YPEL2: variants seen among roughly 807,000 people sequenced by gnomAD.
YPEL2 encodes protein yippee-like 2.
YPEL2 carries 2 observed loss-of-function variants against 19.1 expected under a neutral mutation model. That is an observed-to-expected ratio of 0.10 (90% CI 0.04 to 0.33). The LOEUF (loss-of-function observed/expected upper bound fraction) is 0.33. Among genes scored for constraint, YPEL2 ranks in the 10% least tolerant of loss-of-function variants. The pLI is 1.00. For missense variants in YPEL2, 66 were observed against 140.7 expected (o/e 0.47, Z 2.68); for synonymous variants, 52 against 50.0 (o/e 1.04, Z -0.17).
At chr17:59,352,922 A>C (rs1454841271) in intron 1 of YPEL2, among the ~76,000 whole-genome samples, 3 of 152,152 alleles carry the variant, frequency 2.0e-5, no homozygotes, top group African/African-American at 7.2e-5. Context: ...CACATCTTCA[A>C]GCCTGATGTT....
At chr17:59,367,014 A>C (rs997671482) in intron 2 of YPEL2, among the ~76,000 whole-genome samples, 1 of 152,230 alleles carries the variant, frequency 6.6e-6, no homozygotes, top group African/African-American at 2.4e-5. Context: ...AAAGCCAATA[A>C]GATAAGGTCT....
intron 1 of YPEL2, among the ~76,000 whole-genome samples, chr17:59,351,622 G>A (rs2047788019): frequency 6.6e-6 from 1 of 152,194 alleles, no homozygotes; most frequent in South Asian, 2.1e-4. Context: ...CTGAGGCAAA[G>A]CCGAGAGAAT....
chr17:59,392,351 C>CAT (rs1238756214), intron 4 of YPEL2, among the ~76,000 whole-genome samples: 1 of 152,100 alleles, frequency 6.6e-6, no homozygotes, highest in East Asian at 1.9e-4. Flanking sequence ...TGTCTGTCCT[C>CAT]AAAGTGTTGA....
At chr17:59,346,911 G>T (rs752827595) in intron 1 of YPEL2, among the ~76,000 whole-genome samples, 1 of 152,170 alleles carries the variant, frequency 6.6e-6, no homozygotes, top group Non-Finnish European at 1.5e-5. Flanking sequence ...AAGTGCAAGC[G>T]TGGTGTACTG....
chr17:59,388,946 C>G (rs547348063), intron 3 of YPEL2: 28 of 215,748 alleles, frequency 1.3e-4, no homozygotes, highest in African/African-American at 6.3e-4. Flanking sequence ...ATCACTCATT[C>G]CTGTATCAGG....
intron 2 of YPEL2, among the ~76,000 whole-genome samples, chr17:59,384,484 G>A (rs2047970539): frequency 1.3e-5 from 2 of 152,084 alleles, no homozygotes; most frequent in African/African-American, 4.8e-5. Context: ...AGAAACAACA[G>A]TATTCACAAT....
At chr17:59,339,840 C>T (rs543468857) in intron 1 of YPEL2, among the ~76,000 whole-genome samples, 1 of 152,084 alleles carries the variant, frequency 6.6e-6, no homozygotes, top group African/African-American at 2.4e-5. Flanking sequence ...TGAGATATGA[C>T]CCCTCATAGA....
In YPEL2 at chr17:59,393,767, C is replaced by A. The variant is rs376102701; in HGVS notation, c.271-3334C>A. On this transcript the variant is annotated intron_variant, in intron 4 of 4. Coordinates refer to ENST00000312655, the MANE Select transcript of YPEL2 (RefSeq NM_001005404.4). ...CTGTTTAACAAAGCACATCTTGCACCGCCCTTAATCCATTTAACCCTGAGT... is the reference window on the plus strand; with the variant it reads ...CTGTTTAACAAAGCACATCTTGCACAGCCCTTAATCCATTTAACCCTGAGT... Among the ~76,000 whole-genome samples the A allele has an allele frequency of 1.0e-4, 15 of 149,594 alleles. No individual in the cohort carries two copies. In the East Asian group the frequency reaches 1.4e-3, roughly 14 times the overall value.
At chr17:59,395,351 A>C (rs917237441) in intron 4 of YPEL2, among the ~76,000 whole-genome samples, 1 of 152,202 alleles carries the variant, frequency 6.6e-6, no homozygotes, top group Non-Finnish European at 1.5e-5. Flanking sequence ...ACGGTGACCC[A>C]GAACCCCGCA....
intron 1 of YPEL2, among the ~76,000 whole-genome samples, chr17:59,344,622 G>T (rs1422113975): frequency 1.3e-5 from 2 of 152,126 alleles, no homozygotes; most frequent in Non-Finnish European, 2.9e-5. Context: ...GCCAGCAATG[G>T]TGGTACACGC....
rs918969552 is a variant in YPEL2 at position 59,399,152 on chromosome 17, A to G, written c.*1962A>G. 6.6e-6 allele frequency: 1 copy of G among 152,604 alleles called. No homozygotes were observed. Among genetic ancestry groups the G allele is most frequent in the East Asian group, 1.9e-4 (1 of 5,192 alleles). 9.5% of individuals were successfully genotyped at this position (152,604 alleles called of 1,614,324 possible). A position where few individuals can be genotyped will look rare whatever the true frequency, so the allele number is the denominator to read the frequency against. On this transcript the variant is annotated 3_prime_UTR_variant, in exon 5 of 5. Transcript: ENST00000312655. The stretch of plus-strand genomic sequence containing the variant: ...CCCAGAAGAATAGTTTCTCTGGCTC[A>G]CAGGCCCAAGTTCTCAATGAAATCG...
At chr17:59,347,460 C>T (rs1028923824) in intron 1 of YPEL2, among the ~76,000 whole-genome samples, 1 of 152,136 alleles carries the variant, frequency 6.6e-6, no homozygotes, top group Non-Finnish European at 1.5e-5. Flanking sequence ...TCTGTGTTGC[C>T]TTTCTGAAAA....
At chr17:59,365,625 C>G (rs2047864895) in intron 2 of YPEL2, among the ~76,000 whole-genome samples, 1 of 152,184 alleles carries the variant, frequency 6.6e-6, no homozygotes, top group Non-Finnish European at 1.5e-5. Flanking sequence ...CTTGAAAGAA[C>G]AAAACCAAAA....
chr17:59,353,363 G>A lies in YPEL2; in HGVS notation c.-47G>A. Reference sequence around the variant, plus strand: ...TTCCCGTGCGACCCATCCTGTGGGAGTGCCTCGTGGGCTGCCCCAGAGTTC... The same window carrying A: ...TTCCCGTGCGACCCATCCTGTGGGAATGCCTCGTGGGCTGCCCCAGAGTTC... On this transcript the variant is annotated 5_prime_UTR_variant, in exon 2 of 5. In the 5' UTR this introduces an upstream ATG that the reference lacks. Transcript: ENST00000312655. This position sits in a 1 kb window ranked among gnomAD's most constrained non-coding sequence, Gnocchi z 4.8. 1.4e-6 allele frequency: 2 copies of A among 1,399,532 alleles called. No homozygotes were observed. The highest frequency in any genetic ancestry group is 2.0e-6 in the Non-Finnish European group (2 of 1,017,100). The allele number at this position is 1,399,532 out of a possible 1,614,324, so 86.7% of individuals were successfully genotyped here.
At chr17:59,350,065 GCTTTTTCTTCC>G (rs951719566) in intron 1 of YPEL2, among the ~76,000 whole-genome samples, 13 of 151,958 alleles carry the variant, frequency 8.6e-5, no homozygotes, top group Non-Finnish European at 1.6e-4. Context: ...TCAGCAAGCC[GCTTTTTCTTCC>G]CTTTTTCTTT....
chr17:59,397,053 C>A, intron 4 of YPEL2, 48 bp from the exon 5 acceptor site: 1 of 1,458,790 alleles, frequency 6.9e-7, no homozygotes, highest in African/African-American at 1.4e-5. Context: ...AAATCATTTT[C>A]TTGTCTTTGG....
chr17:59,398,289 G>C lies in YPEL2; in HGVS notation c.*1099G>C, dbSNP rs1034861040. On this transcript the variant is annotated 3_prime_UTR_variant, in exon 5 of 5. Coordinates refer to ENST00000312655, the MANE Select transcript of YPEL2 (RefSeq NM_001005404.4). ...CCTCTTCGGTTTTACAGTGGCTTCC[G>C]TGGGATCGTCAATTTCTTGTTCTTA... 1 of 152,236 alleles carries C rather than the reference G, an allele frequency of 6.6e-6. No individual in the cohort carries two copies. Among genetic ancestry groups the C allele is most frequent in the African/African-American group, 2.4e-5 (1 of 41,430 alleles). The allele number at this position is 152,236 out of a possible 1,614,324, so 9.4% of individuals were successfully genotyped here.
chr17:59,354,138 G>A (rs991651962), intron 2 of YPEL2: 11 of 157,020 alleles, frequency 7.0e-5, no homozygotes, highest in Admixed American at 6.8e-4. Flanking sequence ...GCTTTCTAAA[G>A]TTGGGGCTGG....
intron 2 of YPEL2, among the ~76,000 whole-genome samples, chr17:59,387,137 G>A (rs1045528359): frequency 4.0e-5 from 6 of 151,638 alleles, no homozygotes; most frequent in Non-Finnish European, 8.8e-5. Context: ...GTGCACACCT[G>A]TGGTCCCAGC....
Sources: gnomAD v4.1 joint callset for allele counts (sites outside exome capture counted in the v4.1 genomes callset) on GRCh38, gnomAD v4.1.1 for gene constraint, Gnocchi (gnomAD v3.1) non-coding constraint, MANE v1.5 for transcripts, NCBI Gene and HGNC (gene_info 2026-07-23, HGNC 2026-07-21) for gene names.